The following CELF1 variants were observed in gnomAD, a reference collection of about 807,000 sequenced individuals.
The protein encoded by CELF1 is CUGBP Elav-like family member 1.
CELF1 carries 10 observed loss-of-function variants against 61.8 expected under a neutral mutation model. The ratio of observed to expected loss-of-function variants is 0.16; its 90% confidence interval spans 0.10 to 0.27. The LOEUF is 0.27. Among genes scored for constraint, CELF1 ranks in the 10% least tolerant of loss-of-function variants. CELF1 has a pLI of 1.00. For synonymous variants in CELF1, 236 were observed against 225.1 expected, an observed-to-expected ratio of 1.05 and a Z score of -0.43; for missense variants, 380 against 639.1, an observed-to-expected ratio of 0.59 and a Z score of 4.37.
At chr11:47,513,134 G>GT (rs2095331193) in intron 1 of CELF1, among the ~76,000 whole-genome samples, 1 of 152,288 alleles carries the variant, frequency 6.6e-6, no homozygotes, top group East Asian at 1.9e-4. Flanking sequence ...CTCTAAACAA[G>GT]TTTTTAAACA....
Position 47,475,322 on chromosome 11 carries a change from C to T in CELF1, c.1273+14G>A. Reference sequence around the variant, plus strand: ...CGCCCCCCATACCTGACCCCGATCTCCCTTTGCACTCACCTTCCTTCTGGC... The same window carrying T: ...CGCCCCCCATACCTGACCCCGATCTTCCTTTGCACTCACCTTCCTTCTGGC... On this transcript the variant is annotated intron_variant, in intron 13 of 14. Transcript: ENST00000687097. 1 of 1,612,968 alleles carries T rather than the reference C, an allele frequency of 6.2e-7. No individual in the cohort carries two copies. The highest frequency in any genetic ancestry group is 8.5e-7 in the Non-Finnish European group (1 of 1,179,884).
intron 2 of CELF1, among the ~76,000 whole-genome samples, chr11:47,561,442 CAAAAAAAAAA>C (rs35506289): frequency 1.4e-5 from 1 of 72,866 alleles, no homozygotes; most frequent in South Asian, 5.8e-4. Flanking sequence ...GACTCCGTCT[CAAAAAAAAAA>C]AAAAAAAAAA....
intron 9 of CELF1, 149 bp from the exon 10 acceptor site, chr11:47,479,101 CAT>C: frequency 6.7e-6 from 4 of 600,406 alleles, no homozygotes; most frequent in Non-Finnish European, 1.2e-5. Flanking sequence ...ACAACAGAAA[CAT>C]GAGGCTTATG....
At position 47,471,924 on chromosome 11, in the gene CELF1, TG is replaced by T; in HGVS notation, c.*305del. On this transcript the variant is annotated 3_prime_UTR_variant, in exon 15 of 15. Coordinates refer to ENST00000687097, the MANE Select transcript of CELF1 (RefSeq NM_001376376.1). ...GGTGTTGGTCCTTCTCAACACACAC[TG>T]GTTACAAACACAGCAAACTTTAAAT... is the stretch of plus-strand genomic sequence containing the variant. 4.0e-6 allele frequency: 1 copy of T among 249,518 alleles called. No homozygotes were observed. Among genetic ancestry groups the T allele is most frequent in the Non-Finnish European group, 8.0e-6 (1 of 125,292 alleles). 15.5% of individuals were successfully genotyped at this position (249,518 alleles called of 1,614,324 possible).
At chr11:47,493,513 GAAAAAAAAAA>G (rs35976407) in intron 3 of CELF1, among the ~76,000 whole-genome samples, 2 of 84,912 alleles carry the variant, frequency 2.4e-5, no homozygotes, top group African/African-American at 9.1e-5. Context: ...ATCTCAAAAA[GAAAAAAAAAA>G]AAAAAAAAAA....
rs1246707772 is a variant in CELF1, at chr11:47,467,440, A to C, written c.*4790T>G. ...AAATCCCTGCCCTTTCCCCCACCCC[A>C]CTAGCTAAGCAAGAGCAGAGCTGTG... On this transcript the variant is annotated 3_prime_UTR_variant, in exon 15 of 15. Transcript: ENST00000687097. The C allele has an allele frequency of 6.6e-6, 1 of 152,126 alleles. No homozygotes were observed. The highest frequency in any genetic ancestry group is 2.4e-5 in the African/African-American group (1 of 41,370). 9.4% of individuals were successfully genotyped at this position (152,126 alleles called of 1,614,324 possible). A position where few individuals can be genotyped will look rare whatever the true frequency, so the allele number is the denominator to read the frequency against.
chr11:47,555,855 C>A (rs1203654199), upstream of CELF1, among the ~76,000 whole-genome samples: 1 of 151,972 alleles, frequency 6.6e-6, no homozygotes, highest in Non-Finnish European at 1.5e-5. Context: ...CAAACGTTAG[C>A]CAGGCATGAT....
chr11:47,535,455 G>T (rs1008524175), intron 1 of CELF1, among the ~76,000 whole-genome samples: 1 of 151,932 alleles, frequency 6.6e-6, no homozygotes, highest in African/African-American at 2.4e-5. Context: ...GAGGCAGGCG[G>T]ATCAGTTGAG....
intron 1 of CELF1, among the ~76,000 whole-genome samples, chr11:47,507,059 A>G (rs1027574038): frequency 6.6e-6 from 1 of 152,236 alleles, no homozygotes; most frequent in Non-Finnish European, 1.5e-5. Flanking sequence ...TGCCTTAAAG[A>G]TAAGTTGCAT....
chr11:47,510,094 G>C (rs531543603), intron 1 of CELF1, among the ~76,000 whole-genome samples: 20 of 152,120 alleles, frequency 1.3e-4, no homozygotes, highest in African/African-American at 4.8e-4. Flanking sequence ...GAAGTAGGGA[G>C]AGTGGTGAGA....
At chr11:47,481,213 C>T (rs2083066121) in intron 9 of CELF1, among the ~76,000 whole-genome samples, 1 of 149,720 alleles carries the variant, frequency 6.7e-6, no homozygotes, top group Non-Finnish European at 1.5e-5. Context: ...GTGCAACCTC[C>T]GCCTCCCAGG....
At position 47,486,822 on chromosome 11, in the gene CELF1, T is replaced by C. The variant is rs764413465; in HGVS notation, c.343-24A>G. The C allele has an allele frequency of 1.6e-5, 25 of 1,536,368 alleles. No individual in the cohort carries two copies. In the South Asian group the frequency reaches 1.8e-4, roughly 11 times the overall value. The stretch of plus-strand genomic sequence containing the variant: ...ATCTGAAAAGGAAAAATATGATTAT[T>C]ATCACTGTATATATTGATGGTATTC... On this transcript the variant is annotated intron_variant, in intron 5 of 14. Transcript: ENST00000687097.
intron 2 of CELF1, among the ~76,000 whole-genome samples, chr11:47,562,281 T>G (rs1426836569): frequency 1.3e-5 from 2 of 149,318 alleles, no homozygotes; most frequent in African/African-American, 5.0e-5. Context: ...ATGCCAGCAC[T>G]TAGAGAGGCT....
At chr11:47,529,695 C>T (rs113557554) in intron 1 of CELF1, among the ~76,000 whole-genome samples, 2,418 of 151,826 alleles carry the variant, frequency 0.016, 50 homozygotes, top group African/African-American at 0.048. Flanking sequence ...GTGGCAGGCA[C>T]CTGTAATCTC....
rs749396265 is a variant in CELF1 at position 47,468,482 on chromosome 11, G to C, written c.*3748C>G. 4 of 152,594 alleles carry C rather than the reference G, an allele frequency of 2.6e-5. No individual in the cohort carries two copies. Among genetic ancestry groups the C allele is most frequent in the Non-Finnish European group, 4.4e-5 (3 of 68,034 alleles). The allele number at this position is 152,594 out of a possible 1,614,324, so 9.5% of individuals were successfully genotyped here. A position where few individuals can be genotyped will look rare whatever the true frequency, so the allele number is the denominator to read the frequency against. ...CACAGAGAAACAAAGCCTAGAAACGGACTGGCTGTGTGTTCACAGAAATAC... is the reference window on the plus strand; with the variant it reads ...CACAGAGAAACAAAGCCTAGAAACGCACTGGCTGTGTGTTCACAGAAATAC... On this transcript the variant is annotated 3_prime_UTR_variant, in exon 15 of 15. Coordinates refer to ENST00000687097, the MANE Select transcript of CELF1 (RefSeq NM_001376376.1).
At chr11:47,532,627 T>C (rs945506539) in intron 1 of CELF1, among the ~76,000 whole-genome samples, 7 of 152,186 alleles carry the variant, frequency 4.6e-5, no homozygotes, top group African/African-American at 1.7e-4. Flanking sequence ...AACAGAACAG[T>C]GCTGGGAAAA....
At position 47,562,226 on chromosome 11, in the gene CELF1, C is replaced by CAAAAAAAA. The variant is rs745795043; in HGVS notation, c.-11+2117_-11+2124dup. On this transcript the variant is annotated intron_variant, in intron 2 of 3. Coordinates refer to the CELF1 transcript ENST00000525841. ...GGGTAACAAGAGCGAAACTCCATCT[C>CAAAAAAAA]AAAAAAAAAAAAAAAAAAGTTGGGT... Among the ~76,000 whole-genome samples, 18 of 81,666 alleles carry CAAAAAAAA rather than the reference C, an allele frequency of 2.2e-4. 1 individual carries two copies. Among genetic ancestry groups the CAAAAAAAA allele is most frequent in the African/African-American group, 7.0e-4 (15 of 21,528 alleles). 53.6% of individuals were successfully genotyped at this position (81,666 alleles called of 152,430 possible).
rs925447400 is a variant in CELF1, at chr11:47,475,406, C to T, written c.1203G>A (p.Ala401=). Residue 401 remains alanine, a synonymous_variant, in exon 13 of 15, where the codon GCG becomes GCA. Coordinates refer to ENST00000687097, the MANE Select transcript of CELF1 (RefSeq NM_001376376.1). Reference sequence around the variant, plus strand: ...GATTCTGGTTGTACAGAGTGGGGAGCGCAGCAGCAGCATATTGCTGGATAC... The same window carrying T: ...GATTCTGGTTGTACAGAGTGGGGAGTGCAGCAGCAGCATATTGCTGGATAC... ...YSGIQQYAAA[A]LPTLYNQNLL... The T allele has an allele frequency of 1.4e-5, 23 of 1,614,028 alleles. No homozygotes were observed. The highest frequency in any genetic ancestry group is 4.4e-5 in the South Asian group (4 of 91,070).
chr11:47,485,728 T>C (rs2086415816), intron 6 of CELF1, among the ~76,000 whole-genome samples: 3 of 151,630 alleles, frequency 2.0e-5, no homozygotes, highest in Admixed American at 1.3e-4. Context: ...ATTACAGGCA[T>C]GCACCACCAC....
Sources: gnomAD v4.1 joint callset for allele counts (sites outside exome capture counted in the v4.1 genomes callset) on GRCh38, gnomAD v4.1.1 for gene constraint, MANE v1.5 for transcripts, NCBI Gene and HGNC (gene_info 2026-07-23, HGNC 2026-07-21) for gene names.